Variants in CADM1 observed in about 807,000 individuals in gnomAD.
CADM1 encodes cell adhesion molecule 1, also known as TSLC-1.
Under a neutral mutation model 53.1 loss-of-function variants are expected in CADM1, and 15 were observed. The observed-to-expected ratio is 0.28, with a 90% CI of 0.19 to 0.44. The LOEUF (loss-of-function observed/expected upper bound fraction) is 0.44, where lower values mean the gene tolerates loss of function less well. CADM1 is among the 20% of genes least tolerant of loss of function. The probability of loss-of-function intolerance (pLI) is 1.00; values close to 1 mark genes in which losing one functional copy is unlikely to be tolerated. For missense variants in CADM1, 434 were observed against 611.3 expected (o/e 0.71, Z 3.06); for synonymous variants, 281 against 243.0 (o/e 1.16, Z -1.45).
chr11:115,256,353 G>T (rs1942787617), intron 1 of CADM1, among the ~76,000 whole-genome samples: 1 of 152,322 alleles, frequency 6.6e-6, no homozygotes, highest in African/African-American at 2.4e-5. Context: ...CTTGGAATGA[G>T]CCTCATAGAA....
At chr11:115,222,109 C>T (rs962322021) in intron 5 of CADM1, among the ~76,000 whole-genome samples, 1 of 152,104 alleles carries the variant, frequency 6.6e-6, no homozygotes, top group African/African-American at 2.4e-5. Flanking sequence ...GGATCAAGTG[C>T]TAATTGTTTC....
intron 1 of CADM1, among the ~76,000 whole-genome samples, chr11:115,260,121 GGTCT>G (rs1279204825): frequency 2.6e-5 from 4 of 151,906 alleles, no homozygotes; most frequent in Admixed American, 6.6e-5. Context: ...TTAGAGACGG[GGTCT>G]GTCTATGTTG....
chr11:115,400,657 GTGTGTATATATATA>G (rs1346978971), intron 1 of CADM1, among the ~76,000 whole-genome samples: 2 of 82,322 alleles, frequency 2.4e-5, no homozygotes, highest in African/African-American at 1.3e-4. Context: ...GTGTGTGTGT[GTGTGTATATATATA>G]TATATATATA....
intron 7 of CADM1, among the ~76,000 whole-genome samples, chr11:115,211,959 T>A (rs1186294992): frequency 6.6e-6 from 1 of 152,222 alleles, no homozygotes; most frequent in Non-Finnish European, 1.5e-5. Flanking sequence ...CCCTCCCATT[T>A]TGTGCAAATC....
chr11:115,190,495 CTTGT>C (rs1381043130), intron 10 of CADM1: 10 of 168,896 alleles, frequency 5.9e-5, no homozygotes, highest in South Asian at 1.6e-4. Context: ...CAATGAGTTG[CTTGT>C]TTTTTTTTTT....
intron 1 of CADM1, among the ~76,000 whole-genome samples, chr11:115,286,661 T>C (rs1204299750): frequency 1.3e-5 from 2 of 152,182 alleles, no homozygotes; most frequent in African/African-American, 2.4e-5. Context: ...CCAACTGGGG[T>C]AAAACATACA....
intron 1 of CADM1, among the ~76,000 whole-genome samples, chr11:115,252,424 G>T (rs1479194847): frequency 6.6e-6 from 1 of 151,986 alleles, no homozygotes; most frequent in African/African-American, 2.4e-5. Flanking sequence ...TTTTATTTCA[G>T]AGGTTTAGCT....
At chr11:115,449,112 G>A (rs887366455) in intron 1 of CADM1, among the ~76,000 whole-genome samples, 3 of 151,956 alleles carry the variant, frequency 2.0e-5, no homozygotes, top group East Asian at 1.9e-4. Context: ...ATCTTAAAAC[G>A]CCCCAAAATA....
At chr11:115,244,608 C>T (rs1942350209) in intron 1 of CADM1, among the ~76,000 whole-genome samples, 1 of 152,306 alleles carries the variant, frequency 6.6e-6, no homozygotes, top group Admixed American at 6.5e-5. Context: ...TGTCATTCAG[C>T]TAAGTGGCCA....
chr11:115,500,873 G>A (rs1236234860), intron 1 of CADM1, among the ~76,000 whole-genome samples: 5 of 152,130 alleles, frequency 3.3e-5, no homozygotes, highest in Non-Finnish European at 7.4e-5. Context: ...CAGTGAGCCG[G>A]GGACCAACTC....
intron 1 of CADM1, among the ~76,000 whole-genome samples, chr11:115,454,060 TAAAAC>T (rs528911744): frequency 1.4e-4 from 20 of 146,888 alleles, no homozygotes; most frequent in African/African-American, 3.0e-4. Flanking sequence ...AAAAAAAAAA[TAAAAC>T]AAAACAAAAA....
chr11:115,465,122 A>T (rs1286076411), intron 1 of CADM1, among the ~76,000 whole-genome samples: 1 of 152,214 alleles, frequency 6.6e-6, no homozygotes, highest in Non-Finnish European at 1.5e-5. Flanking sequence ...CATTAGCATT[A>T]TACAGACTCC....
intron 1 of CADM1, among the ~76,000 whole-genome samples, chr11:115,429,546 G>A (rs220835): frequency 0.57 from 86,338 of 150,438 alleles, 25,161 homozygotes; most frequent in Admixed American, 0.71. Flanking sequence ...CCGAGGTTGA[G>A]TTGAGATCGT....
chr11:115,291,933 C>T (rs1943915823), intron 1 of CADM1, among the ~76,000 whole-genome samples: 1 of 152,168 alleles, frequency 6.6e-6, no homozygotes, highest in African/African-American at 2.4e-5. Context: ...GATTGCAGAG[C>T]AGCCTTTCTT....
intron 1 of CADM1, among the ~76,000 whole-genome samples, chr11:115,462,996 T>C (rs1295863319): frequency 6.6e-6 from 1 of 152,188 alleles, no homozygotes; most frequent in Non-Finnish European, 1.5e-5. Context: ...AGAAATAAAT[T>C]GAGCTAGAGC....
intron 1 of CADM1, among the ~76,000 whole-genome samples, chr11:115,259,185 A>G (rs1591649479): frequency 6.6e-6 from 1 of 151,032 alleles, no homozygotes; most frequent in Non-Finnish European, 1.5e-5. Context: ...AGAGTTTCAC[A>G]ATGTTGGCCA....
chr11:115,210,573 A>G (rs1940913030), intron 7 of CADM1, among the ~76,000 whole-genome samples: 1 of 152,234 alleles, frequency 6.6e-6, no homozygotes, highest in Non-Finnish European at 1.5e-5. Flanking sequence ...TTAAATTGTC[A>G]GCAAGACTTT....
At chr11:115,496,888 G>A (rs1458917378) in intron 1 of CADM1, among the ~76,000 whole-genome samples, 1 of 152,208 alleles carries the variant, frequency 6.6e-6, no homozygotes, top group Non-Finnish European at 1.5e-5. Flanking sequence ...GAGAAAAGTT[G>A]ATACCTACTG....
At chr11:115,191,453 C>A (rs1349560778) in intron 9 of CADM1, among the ~76,000 whole-genome samples, 1 of 152,144 alleles carries the variant, frequency 6.6e-6, no homozygotes, top group Non-Finnish European at 1.5e-5. Flanking sequence ...CAGGTTATGC[C>A]TTCATCAGAA....
Sources: gnomAD v4.1 joint callset for allele counts (sites outside exome capture counted in the v4.1 genomes callset) on GRCh38, gnomAD v4.1.1 for gene constraint, MANE v1.5 for transcripts, NCBI Gene and HGNC (gene_info 2026-07-23, HGNC 2026-07-21) for gene names.